Variants in WDFY4 observed in about 807,000 individuals in gnomAD.
WDFY4 encodes the protein WDFY family member 4.
Under a neutral mutation model 351.9 loss-of-function variants are expected in WDFY4, and 169 were observed. That is an observed-to-expected ratio of 0.48 (90% CI 0.42 to 0.55). WDFY4 has a LOEUF of 0.55. WDFY4 is among the 20% of genes least tolerant of loss of function. The probability of loss-of-function intolerance (pLI) is 0.00; values close to 1 mark genes in which losing one functional copy is unlikely to be tolerated. For missense variants in WDFY4, 3,803 were observed against 3,935.6 expected (o/e 0.97, Z 0.90); for synonymous variants, 1,622 against 1,574.6 (o/e 1.03, Z -0.71).
chr10:48,720,227 C>T (rs1333023317), intron 3 of WDFY4, 102 bp downstream of exon 3: 3 of 1,192,770 alleles, frequency 2.5e-6, no homozygotes, highest in Non-Finnish European at 3.5e-6. Context: ...CGTGGAGCTA[C>T]AGTGTTGCCT....
At chr10:48,805,940 C>A in intron 26 of WDFY4, 64 bp from the exon 27 acceptor site, 1 of 1,400,654 alleles carries the variant, frequency 7.1e-7, no homozygotes, top group Non-Finnish European at 9.9e-7. Flanking sequence ...AAAACACTGG[C>A]ATGTACTCAG....
chr10:48,832,704 A>T lies in WDFY4; in HGVS notation c.6658A>T (p.Thr2220Ser). The change falls in exon 39 of 62, where the codon ACA becomes TCA. Residue 2220 changes from threonine (T) to serine (S), a missense_variant. Thr to Ser is a moderately conservative substitution (Grantham distance 58, BLOSUM62 1). Around this residue, in one of 3 missense-constraint regions of WDFY4, gnomAD observed 3,054 missense variants for 3,148.6 expected, o/e 0.97. Coordinates refer to ENST00000325239, the MANE Select transcript of WDFY4 (RefSeq NM_001394531.1). ...GRQAKDPECK[T>S]EDFVSCIENY... ...GCAGGCCAAGGACCCTGAGTGCAAG[A>T]CAGAGGTGAGCCCAGACCCCTTTTC... 6 of 1,544,582 alleles carry T rather than the reference A, an allele frequency of 3.9e-6. No individual in the cohort carries two copies. Among genetic ancestry groups the T allele is most frequent in the South Asian group, 3.6e-5 (3 of 82,888 alleles).
intron 60 of WDFY4, chr10:48,980,089 C>T (rs1474290318): frequency 6.6e-6 from 1 of 152,184 alleles, no homozygotes; most frequent in African/African-American, 2.4e-5. Context: ...TCTGTCTGCC[C>T]TGACCCTAAG....
intron 60 of WDFY4, chr10:48,979,610 G>C (rs1328208578): frequency 6.6e-6 from 1 of 151,946 alleles, no homozygotes; most frequent in Non-Finnish European, 1.5e-5. Flanking sequence ...TGGATGGATG[G>C]ATGGATGGAT....
intron 23 of WDFY4, among the ~76,000 whole-genome samples, chr10:48,795,251 G>A (rs1279413298): frequency 6.6e-6 from 1 of 151,848 alleles, no homozygotes; most frequent in Admixed American, 6.6e-5. Context: ...TATGAGGTCA[G>A]GTGGGGGAGA....
intron 47 of WDFY4, among the ~76,000 whole-genome samples, chr10:48,922,526 AT>A (rs2133595880): frequency 1.3e-5 from 2 of 152,334 alleles, no homozygotes; most frequent in South Asian, 4.1e-4. Context: ...AATTGTTGAA[AT>A]TGTTCTATTT....
At chr10:48,685,122 C>T (rs1393370937) in intron 1 of WDFY4, 121 bp downstream of exon 1, 6 of 152,886 alleles carry the variant, frequency 3.9e-5, no homozygotes, top group African/African-American at 1.2e-4. Flanking sequence ...ACATGTGACC[C>T]AGTGCCTGGT....
intron 55 of WDFY4, 46 bp from the exon 56 acceptor site, chr10:48,969,018 G>A: frequency 6.5e-7 from 1 of 1,536,742 alleles, no homozygotes; most frequent in Non-Finnish European, 8.8e-7. Context: ...GCTGTAGTGG[G>A]TGCTGTTCTT....
At chr10:48,839,154 G>A (rs552502247) in intron 39 of WDFY4, among the ~76,000 whole-genome samples, 1 of 152,248 alleles carries the variant, frequency 6.6e-6, no homozygotes, top group Non-Finnish European at 1.5e-5. Context: ...AGTACTGGGA[G>A]TGAGAATGGA....
chr10:48,926,490 G>A (rs893423680), intron 47 of WDFY4, among the ~76,000 whole-genome samples: 3 of 152,174 alleles, frequency 2.0e-5, no homozygotes, highest in African/African-American at 7.2e-5. Flanking sequence ...AGACAGAGAG[G>A]CAGCCTTAGC....
intron 39 of WDFY4, among the ~76,000 whole-genome samples, chr10:48,836,627 G>C (rs764186312): frequency 7.9e-5 from 12 of 152,152 alleles, no homozygotes; most frequent in Non-Finnish European, 1.3e-4. Context: ...TTTTATTCCT[G>C]GTGGGTGAGC....
intron 44 of WDFY4, among the ~76,000 whole-genome samples, chr10:48,896,541 A>C (rs1837086211): frequency 6.6e-6 from 1 of 152,164 alleles, no homozygotes; most frequent in Admixed American, 6.5e-5. Flanking sequence ...CCTCATCCTG[A>C]AGGTTGCCAG....
chr10:48,729,384 C>A (rs1419131910), intron 7 of WDFY4, 48 bp from the exon 8 acceptor site: 2 of 1,544,420 alleles, frequency 1.3e-6, no homozygotes, highest in Non-Finnish European at 1.7e-6. Context: ...ACGCATGTGG[C>A]TGCTCCATCT....
At position 48,715,861 on chromosome 10, in the gene WDFY4, G is replaced by A. The variant is rs1589440573; in HGVS notation, c.235-4150G>A. 2.7e-5 allele frequency among the ~76,000 whole-genome samples: 4 copies of A among 150,548 alleles called. No homozygotes were observed. The Middle Eastern group carries it at 0.01, about 384-fold the overall frequency. ...AGACGGGGTTTCACCATGTTAGCCAGGATGGTCTCAGTCTCCTGACCTTGT... is the reference window on the plus strand; with the variant it reads ...AGACGGGGTTTCACCATGTTAGCCAAGATGGTCTCAGTCTCCTGACCTTGT... On this transcript the variant is annotated intron_variant, in intron 2 of 61. Coordinates refer to ENST00000325239, the MANE Select transcript of WDFY4 (RefSeq NM_001394531.1).
intron 39 of WDFY4, among the ~76,000 whole-genome samples, chr10:48,842,008 A>G (rs1287191633): frequency 6.6e-6 from 1 of 152,136 alleles, no homozygotes; most frequent in Non-Finnish European, 1.5e-5. Flanking sequence ...TTGAGCATCA[A>G]GCTGATGTCA....
chr10:48,777,848 T>C (rs1334438179), intron 17 of WDFY4, among the ~76,000 whole-genome samples: 2 of 152,264 alleles, frequency 1.3e-5, no homozygotes, highest in Non-Finnish European at 2.9e-5. Context: ...GATGTTCTGT[T>C]CATTGTGCAT....
At chr10:48,924,625 T>C (rs1279441112) in intron 47 of WDFY4, among the ~76,000 whole-genome samples, 1 of 152,258 alleles carries the variant, frequency 6.6e-6, no homozygotes, top group Non-Finnish European at 1.5e-5. Context: ...TGTACAATTT[T>C]TTTTTATACT....
intron 33 of WDFY4, 87 bp from the exon 34 acceptor site, chr10:48,820,975 T>C: frequency 1.1e-6 from 1 of 887,974 alleles, no homozygotes; most frequent in Non-Finnish European, 1.8e-6. Flanking sequence ...GCGGCATAAG[T>C]GTCCCAGCCA....
At chr10:48,894,508 G>T (rs1405737531) in intron 44 of WDFY4, among the ~76,000 whole-genome samples, 1 of 152,168 alleles carries the variant, frequency 6.6e-6, no homozygotes, top group African/African-American at 2.4e-5. Context: ...TTATGATATG[G>T]GAATAAAAAT....
Sources: allele counts gnomAD v4.1 joint callset (sites outside exome capture counted in the v4.1 genomes callset), GRCh38; gene constraint gnomAD v4.1.1; regional missense constraint gnomAD v4.1.1; transcripts MANE v1.5; gene names NCBI Gene and HGNC (gene_info 2026-07-23, HGNC 2026-07-21).